Variants in PHKB observed in about 807,000 individuals in gnomAD.
The protein encoded by PHKB is phosphorylase b kinase regulatory subunit beta.
In PHKB, 122 loss-of-function variants were observed where a neutral mutation model predicts 152.1. The observed-to-expected ratio is 0.80, with a 90% confidence interval of 0.69 to 0.93. The LOEUF (loss-of-function observed/expected upper bound fraction) is 0.93. Ranked by LOEUF, PHKB falls within the 40% of genes least tolerant of loss-of-function variation. PHKB has a pLI of 0.00. For synonymous variants in PHKB, 436 were observed against 464.9 expected, an observed-to-expected ratio of 0.94 and a Z score of 0.80; for missense variants, 1,304 against 1,328.4, an observed-to-expected ratio of 0.98 and a Z score of 0.29.
chr16:47,521,386 G>A (rs1970682634), intron 6 of PHKB, among the ~76,000 whole-genome samples: 1 of 152,118 alleles, frequency 6.6e-6, no homozygotes, highest in Non-Finnish European at 1.5e-5. Context: ...GGGTGCGGTG[G>A]CTCACCCCTG....
chr16:47,479,122 G>A (rs1969920672), intron 1 of PHKB, among the ~76,000 whole-genome samples: 2 of 152,120 alleles, frequency 1.3e-5, no homozygotes, highest in Non-Finnish European at 2.9e-5. Context: ...TGACTGTCGG[G>A]GGAGTTAGGG....
chr16:47,599,015 C>T (rs774355557), intron 13 of PHKB: 80 of 799,574 alleles, frequency 1.0e-4, no homozygotes, highest in Non-Finnish European at 1.2e-4. Flanking sequence ...ACAGCGCCAA[C>T]GATTCGATCA....
rs748664434 is a variant in PHKB at position 47,663,750 on chromosome 16, CTTG to C, written c.2336+22_2336+24del. On this transcript the variant is annotated intron_variant, in intron 24 of 30. Coordinates refer to ENST00000323584, the MANE Select transcript of PHKB (RefSeq NM_000293.3). ...AAAAACTTTGGTTTGTATTAGTGTC[CTTG>C]TTGTTATGTTTTATTTTTGTGTTGT... The C allele has an allele frequency of 9.1e-6, 13 of 1,424,452 alleles. No individual in the cohort carries two copies. Among genetic ancestry groups the C allele is most frequent in the Non-Finnish European group, 1.3e-5 (13 of 1,007,390 alleles). The allele number at this position is 1,424,452 out of a possible 1,614,324, so 88.2% of individuals were successfully genotyped here. A position where few individuals can be genotyped will look rare whatever the true frequency, so the allele number is the denominator to read the frequency against.
At chr16:47,539,747 C>G (rs1971018945) in intron 6 of PHKB, among the ~76,000 whole-genome samples, 1 of 152,132 alleles carries the variant, frequency 6.6e-6, no homozygotes, top group Non-Finnish European at 1.5e-5. Flanking sequence ...GGGCATTTAT[C>G]ACTTCCCAAA....
At chr16:47,598,936 C>G (rs1972171053) in intron 13 of PHKB, 1 of 1,561,966 alleles carries the variant, frequency 6.4e-7, no homozygotes, top group African/African-American at 1.4e-5. Flanking sequence ...TATTCTTAGC[C>G]TCTCATGTGG....
chr16:47,571,199 A>G (rs1242006843), intron 7 of PHKB, among the ~76,000 whole-genome samples: 1 of 152,060 alleles, frequency 6.6e-6, no homozygotes, highest in African/African-American at 2.4e-5. Context: ...GTTCCCCAGT[A>G]GTGTGTACTA....
rs907542598 is a variant in PHKB, at chr16:47,594,080, A to C, written c.1127-57A>C. 1.0e-5 allele frequency: 9 copies of C among 894,440 alleles called. No homozygotes were observed. The African/African-American group carries it at 1.5e-4, about 15-fold the overall frequency. 55.4% of individuals were successfully genotyped at this position (894,440 alleles called of 1,614,324 possible). On this transcript the variant is annotated intron_variant, in intron 11 of 30. Transcript: ENST00000323584. ...GCTAATATATTTTTTCTAAGGTAAA[A>C]TTTTTGAGATCCTTATTAAGCTCAG...
chr16:47,617,905 A>T (rs1972547939), intron 14 of PHKB, among the ~76,000 whole-genome samples: 1 of 152,246 alleles, frequency 6.6e-6, no homozygotes, highest in Non-Finnish European at 1.5e-5. Flanking sequence ...TGGAAGCCTT[A>T]ACTCATCCCA....
At chr16:47,499,645 A>G in intron 2 of PHKB, 111 bp from the exon 3 acceptor site, 1 of 1,295,096 alleles carries the variant, frequency 7.7e-7, no homozygotes, top group Non-Finnish European at 1.1e-6. Flanking sequence ...TAGCAAGTTT[A>G]GAAACAAAAT....
chr16:47,526,035 G>A (rs981080197), intron 6 of PHKB, among the ~76,000 whole-genome samples: 6 of 152,082 alleles, frequency 3.9e-5, no homozygotes, highest in African/African-American at 9.7e-5. Context: ...GAGCTAATCC[G>A]GGAAGTGGTT....
intron 14 of PHKB, among the ~76,000 whole-genome samples, chr16:47,624,569 C>T (rs1179782480): frequency 6.6e-6 from 1 of 152,154 alleles, no homozygotes; most frequent in Non-Finnish European, 1.5e-5. Context: ...TAAGAAAAAC[C>T]TCTATCCCCA....
At chr16:47,533,348 C>T (rs917408583) in intron 6 of PHKB, among the ~76,000 whole-genome samples, 7 of 152,264 alleles carry the variant, frequency 4.6e-5, no homozygotes, top group South Asian at 2.1e-4. Flanking sequence ...GCAGTCCAGC[C>T]GCCAGCCTTC....
At chr16:47,493,988 A>G (rs1970192734) in intron 1 of PHKB, among the ~76,000 whole-genome samples, 1 of 152,230 alleles carries the variant, frequency 6.6e-6, no homozygotes, top group South Asian at 2.1e-4. Flanking sequence ...AACCTCAACT[A>G]GTTAAGAATA....
In PHKB at chr16:47,637,384, C is replaced by T. The variant is rs139116328; in HGVS notation, c.1459-3651C>T. Among the ~76,000 whole-genome samples the T allele has an allele frequency of 5.2e-4, 79 of 152,246 alleles. No individual in the cohort carries two copies. The East Asian group carries it at 0.015, about 28-fold the overall frequency. The stretch of plus-strand genomic sequence containing the variant: ...CCCCACCCAACACCTGGCTCACCCT[C>T]GGCAAGTGTGGGATCCAGGCTGGTA... On this transcript the variant is annotated intron_variant, in intron 14 of 30. Coordinates refer to ENST00000323584, the MANE Select transcript of PHKB (RefSeq NM_000293.3).
Position 47,700,999 on chromosome 16 carries a change from T to C in PHKB, c.*1633T>C, listed in dbSNP as rs897387054. On this transcript the variant is annotated 3_prime_UTR_variant, in exon 31 of 31. Coordinates refer to ENST00000323584, the MANE Select transcript of PHKB (RefSeq NM_000293.3). The stretch of plus-strand genomic sequence containing the variant: ...GAGACACAGTTGGGCCCTAAAGAAC[T>C]AAGGAGGGGGATTGACAAAGAATAG... 1.3e-5 allele frequency: 2 copies of C among 152,042 alleles called. No individual in the cohort carries two copies. Among genetic ancestry groups the C allele is most frequent in the Non-Finnish European group, 2.9e-5 (2 of 68,014 alleles). 9.4% of individuals were successfully genotyped at this position (152,042 alleles called of 1,614,324 possible).
chr16:47,484,842 A>T (rs749759157), intron 1 of PHKB, among the ~76,000 whole-genome samples: 2 of 152,216 alleles, frequency 1.3e-5, no homozygotes, highest in African/African-American at 2.4e-5. Context: ...AAAAAATTGC[A>T]CAAGTAGTAA....
chr16:47,519,690 A>G (rs1309055621), intron 6 of PHKB, among the ~76,000 whole-genome samples: 1 of 152,248 alleles, frequency 6.6e-6, no homozygotes, highest in Non-Finnish European at 1.5e-5. Context: ...ATTTATATAC[A>G]GTATCCTATT....
intron 10 of PHKB, chr16:47,590,299 T>TC (rs1972006811): frequency 6.6e-6 from 1 of 150,968 alleles, no homozygotes; most frequent in African/African-American, 2.4e-5. Flanking sequence ...TTTTTTTTTT[T>TC]AATAGAGACC....
chr16:47,472,664 T>C (rs1969792174), intron 1 of PHKB, among the ~76,000 whole-genome samples: 1 of 151,894 alleles, frequency 6.6e-6, no homozygotes, highest in African/African-American at 2.4e-5. Flanking sequence ...GCACCTGTAA[T>C]CCCAACTACT....
Sources: allele counts gnomAD v4.1 joint callset (sites outside exome capture counted in the v4.1 genomes callset), GRCh38; gene constraint gnomAD v4.1.1; transcripts MANE v1.5; gene names NCBI Gene and HGNC (gene_info 2026-07-23, HGNC 2026-07-21).